CCDC149: variants seen among roughly 807,000 people sequenced by gnomAD.
The protein encoded by CCDC149 is coiled-coil domain-containing protein 149.
A neutral mutation model predicts 59.9 loss-of-function variants in CCDC149; 45 were observed. That is an observed-to-expected ratio of 0.75 (90% CI 0.59 to 0.96). The LOEUF is 0.96. CCDC149 is among the 40% of genes least tolerant of loss of function. The pLI is 0.00. For synonymous variants in CCDC149, 245 were observed against 260.6 expected, an observed-to-expected ratio of 0.94 and a Z score of 0.58; for missense variants, 584 against 664.7, an observed-to-expected ratio of 0.88 and a Z score of 1.33.
intron 12 of CCDC149, among the ~76,000 whole-genome samples, chr4:24,812,914 C>T (rs1425490780): frequency 1.3e-5 from 2 of 152,186 alleles, no homozygotes; most frequent in Non-Finnish European, 2.9e-5. Context: ...CTGGCCCCAC[C>T]CTTGACATGT....
chr4:24,967,365 G>A (rs1374410651), intron 1 of CCDC149, among the ~76,000 whole-genome samples: 11 of 152,148 alleles, frequency 7.2e-5, no homozygotes. Context: ...TCTCTGGTGT[G>A]GGCAGTTAGA....
chr4:24,851,860 G>C (rs1181367901), intron 4 of CCDC149, among the ~76,000 whole-genome samples: 1 of 152,088 alleles, frequency 6.6e-6, no homozygotes, highest in Non-Finnish European at 1.5e-5. Flanking sequence ...ACCACGAGCG[G>C]CTGGATTAGC....
chr4:24,838,073 A>T, intron 5 of CCDC149, 83 bp downstream of exon 5: 1 of 1,094,196 alleles, frequency 9.1e-7, no homozygotes, highest in Non-Finnish European at 1.4e-6. Context: ...ACTCTGAGAA[A>T]CGAGGGGCAC....
At chr4:24,953,382 T>C (rs1281385124) in intron 1 of CCDC149, among the ~76,000 whole-genome samples, 1 of 152,212 alleles carries the variant, frequency 6.6e-6, no homozygotes, top group Non-Finnish European at 1.5e-5. Flanking sequence ...TCCCCCTGCT[T>C]CATTTTTGTC....
rs1354563851 is a variant in CCDC149 at position 24,808,746 on chromosome 4, C to T, written c.1266G>A (p.Gly422=). ...TTGCTGGGGAGTTGACAGCGGGCCT[C>T]CCAGCATCCTCAGGCGCTGTCAACG... Residue 422 remains glycine, a synonymous_variant, in exon 13 of 13, where the codon GGG becomes GGA. Transcript: ENST00000635206. 6.4e-7 allele frequency: 1 copy of T among 1,552,034 alleles called. No homozygotes were observed. Among genetic ancestry groups the T allele is most frequent in the Non-Finnish European group, 8.7e-7 (1 of 1,147,068 alleles).
chr4:24,864,184 G>T lies in CCDC149; in HGVS notation c.264+9497C>A, dbSNP rs555190171. Among the ~76,000 whole-genome samples the T allele has an allele frequency of 3.9e-5, 6 of 152,272 alleles. No homozygotes were observed. In the East Asian group the frequency reaches 7.7e-4, roughly 20 times the overall value. On this transcript the variant is annotated intron_variant, in intron 3 of 12. Coordinates refer to ENST00000635206, the MANE Select transcript of CCDC149 (RefSeq NM_001330643.2). ...AATAGCCCTTCTCAAAAATTAAACT[G>T]CTCTTGTAAAACTAATGAAAATCCA...
At chr4:24,942,800 G>C (rs1341457178) in intron 1 of CCDC149, among the ~76,000 whole-genome samples, 1 of 152,090 alleles carries the variant, frequency 6.6e-6, no homozygotes, top group African/African-American at 2.4e-5. Context: ...ATTCACAATT[G>C]CTTCAAAGAG....
At chr4:24,892,285 T>C (rs1325633655) in intron 1 of CCDC149, among the ~76,000 whole-genome samples, 1 of 152,134 alleles carries the variant, frequency 6.6e-6, no homozygotes, top group Admixed American at 6.5e-5. Context: ...CTTTTATCTG[T>C]AAAATAAGGA....
At chr4:24,869,582 T>C (rs800379) in intron 3 of CCDC149, among the ~76,000 whole-genome samples, 132,326 of 152,164 alleles carry the variant, frequency 0.87, 57,564 homozygotes, top group South Asian at 0.91. Flanking sequence ...CCTGCTAACA[T>C]ACAATTGTTT....
At chr4:24,976,884 G>A (rs991115935) in intron 1 of CCDC149, among the ~76,000 whole-genome samples, 2 of 152,120 alleles carry the variant, frequency 1.3e-5, no homozygotes, top group African/African-American at 4.8e-5. Context: ...ACATCTGGCC[G>A]CTAGAGGAGT....
intron 1 of CCDC149, among the ~76,000 whole-genome samples, chr4:24,911,753 G>A (rs1721883489): frequency 6.6e-6 from 1 of 152,188 alleles, no homozygotes; most frequent in Non-Finnish European, 1.5e-5. Flanking sequence ...TGCACACACT[G>A]GGCATGAAGC....
intron 12 of CCDC149, among the ~76,000 whole-genome samples, chr4:24,814,931 T>C (rs574674492): frequency 1.2e-4 from 18 of 152,226 alleles, no homozygotes; most frequent in Non-Finnish European, 1.2e-4. Context: ...CTCTCTTGTA[T>C]GTCCCAGGGA....
chr4:24,971,280 T>G (rs28752275), intron 1 of CCDC149, among the ~76,000 whole-genome samples: 4,207 of 152,264 alleles, frequency 0.028, 170 homozygotes, highest in African/African-American at 0.095. Flanking sequence ...TGTGTTGTTG[T>G]TGTGGGTTAT....
At chr4:24,814,039 A>G (rs2109093085) in intron 12 of CCDC149, among the ~76,000 whole-genome samples, 2 of 152,348 alleles carry the variant, frequency 1.3e-5, no homozygotes, top group African/African-American at 4.8e-5. Flanking sequence ...TGCTTTTCAC[A>G]TTCAAAATAA....
At chr4:24,937,331 T>C (rs11934149) in intron 1 of CCDC149, among the ~76,000 whole-genome samples, 37,589 of 152,078 alleles carry the variant, frequency 0.25, 4,993 homozygotes, top group African/African-American at 0.35. Context: ...TATTCATGAA[T>C]TGAGGTGCTC....
chr4:24,852,082 G>A (rs1717694492), intron 4 of CCDC149, among the ~76,000 whole-genome samples: 1 of 151,552 alleles, frequency 6.6e-6, no homozygotes, highest in Non-Finnish European at 1.5e-5. Context: ...GCAGTATGCA[G>A]CATCCTCTCT....
intron 9 of CCDC149, chr4:24,827,044 G>A (rs1048267848): frequency 1.3e-5 from 2 of 152,172 alleles, no homozygotes; most frequent in Non-Finnish European, 2.9e-5. Flanking sequence ...CTACCTAGTA[G>A]TCTAGGAAAA....
intron 1 of CCDC149, among the ~76,000 whole-genome samples, chr4:24,908,847 G>C (rs189832177): frequency 5.3e-5 from 8 of 152,348 alleles, no homozygotes; most frequent in Non-Finnish European, 1.0e-4. Context: ...TTCAAATAGT[G>C]AAATGGAATT....
intron 1 of CCDC149, among the ~76,000 whole-genome samples, chr4:24,937,729 T>C (rs1232577563): frequency 1.3e-5 from 2 of 152,184 alleles, no homozygotes; most frequent in Non-Finnish European, 2.9e-5. Flanking sequence ...GTGCATCACT[T>C]CTATTCACAC....
Sources: allele counts gnomAD v4.1 joint callset (sites outside exome capture counted in the v4.1 genomes callset), GRCh38; gene constraint gnomAD v4.1.1; transcripts MANE v1.5; gene names NCBI Gene and HGNC (gene_info 2026-07-23, HGNC 2026-07-21).